The following LINGO2 variants were observed in gnomAD, a reference collection of about 807,000 sequenced individuals.
The protein encoded by LINGO2 is leucine rich repeat and Ig domain containing 2, also known as leucine-rich repeat and immunoglobulin-like domain-containing nogo receptor-interacting protein 2.
LINGO2 carries 14 observed loss-of-function variants against 30.6 expected under a neutral mutation model. The observed-to-expected ratio is 0.46, with a 90% CI of 0.30 to 0.72. The LOEUF is 0.72. LINGO2 is among the 30% of genes least tolerant of loss of function. LINGO2 has a pLI of 0.07. For missense variants in LINGO2, 729 were observed against 751.7 expected (o/e 0.97, Z 0.35); for synonymous variants, 317 against 288.5 (o/e 1.10, Z -1.00).
intron 4 of LINGO2, among the ~76,000 whole-genome samples, chr9:28,283,527 T>G (rs566194342): frequency 6.6e-6 from 1 of 152,134 alleles, no homozygotes; most frequent in Non-Finnish European, 1.5e-5. Flanking sequence ...ATAGCACACA[T>G]GTATAATGGC....
At chr9:29,207,527 C>T in the LINGO2 span, among the ~76,000 whole-genome samples, 3 of 152,040 alleles carry the variant, frequency 2.0e-5, no homozygotes, top group African/African-American at 7.2e-5. Flanking sequence ...TATATTTTTG[C>T]ACATATTTCT....
the LINGO2 span, among the ~76,000 whole-genome samples, chr9:29,188,301 C>T: frequency 6.6e-6 from 1 of 151,676 alleles, no homozygotes; most frequent in South Asian, 2.1e-4. Context: ...CCTGAGTGGA[C>T]ACAGCACATG....
At chr9:28,639,984 C>T (rs932522390) in intron 1 of LINGO2, among the ~76,000 whole-genome samples, 48 of 152,074 alleles carry the variant, frequency 3.2e-4, no homozygotes, top group Non-Finnish European at 6.3e-4. Context: ...ATGTTTAGTG[C>T]TTCCTTCAGG....
chr9:28,497,224 A>C (rs2135296259), intron 1 of LINGO2, among the ~76,000 whole-genome samples: 1 of 152,286 alleles, frequency 6.6e-6, no homozygotes, highest in South Asian at 2.1e-4. Context: ...AGGTTGGGGA[A>C]GTTCTCCTGG....
intron 1 of LINGO2, among the ~76,000 whole-genome samples, chr9:28,583,040 A>T (rs1824340387): frequency 6.6e-6 from 1 of 151,978 alleles, no homozygotes; most frequent in Non-Finnish European, 1.5e-5. Flanking sequence ...ATGAGGGAAA[A>T]ATGCTTTTGA....
chr9:28,693,220 T>C, the LINGO2 span, among the ~76,000 whole-genome samples: 1 of 152,118 alleles, frequency 6.6e-6, no homozygotes, highest in South Asian at 2.1e-4. Flanking sequence ...TGCACTTCCA[T>C]TTTTAAACAT....
chr9:28,288,606 G>T (rs1823605319), intron 4 of LINGO2, among the ~76,000 whole-genome samples: 1 of 152,080 alleles, frequency 6.6e-6, no homozygotes, highest in South Asian at 2.1e-4. Context: ...GGGCGGGGAG[G>T]CTGCTAATTT....
At chr9:27,972,557 A>G (rs1820407181) in intron 5 of LINGO2, among the ~76,000 whole-genome samples, 1 of 152,168 alleles carries the variant, frequency 6.6e-6, no homozygotes, top group Non-Finnish European at 1.5e-5. Flanking sequence ...AGTGATGGAC[A>G]CCCTGTGATC....
At chr9:29,176,598 T>C in the LINGO2 span, among the ~76,000 whole-genome samples, 4 of 152,220 alleles carry the variant, frequency 2.6e-5, no homozygotes, top group African/African-American at 9.6e-5. Flanking sequence ...CTTATAGTTG[T>C]GCTCACAGGA....
the LINGO2 span, among the ~76,000 whole-genome samples, chr9:28,930,986 G>A: frequency 2.6e-5 from 4 of 152,116 alleles, no homozygotes; most frequent in Non-Finnish European, 4.4e-5. This position sits in a 1 kb window ranked among gnomAD's most constrained non-coding sequence, Gnocchi z 4.2. Flanking sequence ...TTTTCCACAT[G>A]AGCCATTCCT....
the LINGO2 span, among the ~76,000 whole-genome samples, chr9:29,069,799 CAA>C: frequency 6.6e-6 from 1 of 151,932 alleles, no homozygotes; most frequent in Non-Finnish European, 1.5e-5. Context: ...AGATTCTCTC[CAA>C]AGTTATTTTC....
the LINGO2 span, among the ~76,000 whole-genome samples, chr9:29,066,508 T>C: frequency 0.07 from 10,621 of 152,004 alleles, 416 homozygotes; most frequent in Non-Finnish European, 0.092. Flanking sequence ...TTTGCGATCA[T>C]AGTGGCACCC....
intron 5 of LINGO2, among the ~76,000 whole-genome samples, chr9:27,979,723 T>C (rs1820765892): frequency 6.6e-6 from 1 of 151,930 alleles, no homozygotes; most frequent in East Asian, 1.9e-4. Context: ...GGAAGAGCAT[T>C]CCACTGGGAT....
chr9:28,326,905 T>G (rs1329766674), intron 3 of LINGO2, among the ~76,000 whole-genome samples: 1 of 152,134 alleles, frequency 6.6e-6, no homozygotes, highest in Non-Finnish European at 1.5e-5. Context: ...ACTAGGGGAA[T>G]GGCTAAGGGC....
chr9:28,869,573 A>G, the LINGO2 span, among the ~76,000 whole-genome samples: 1 of 152,014 alleles, frequency 6.6e-6, no homozygotes, highest in Non-Finnish European at 1.5e-5. Context: ...AGCAGGAAGA[A>G]AAAAGATGAA....
At chr9:28,404,001 AT>A (rs995267546) in intron 2 of LINGO2, among the ~76,000 whole-genome samples, 9 of 151,830 alleles carry the variant, frequency 5.9e-5, no homozygotes, top group Admixed American at 1.3e-4. Context: ...GTCTTTACCT[AT>A]TTTTTTATAC....
intron 1 of LINGO2, among the ~76,000 whole-genome samples, chr9:28,536,920 T>C (rs1194303317): frequency 6.6e-6 from 1 of 152,052 alleles, no homozygotes; most frequent in Non-Finnish European, 1.5e-5. Context: ...CACCACATTA[T>C]ACGAGCTTAT....
At chr9:29,015,514 A>G in the LINGO2 span, among the ~76,000 whole-genome samples, 1 of 152,228 alleles carries the variant, frequency 6.6e-6, no homozygotes, top group South Asian at 2.1e-4. Flanking sequence ...ACAATATATA[A>G]AAATGAATGC....
At chr9:28,858,989 G>T in the LINGO2 span, among the ~76,000 whole-genome samples, 1 of 151,952 alleles carries the variant, frequency 6.6e-6, no homozygotes, top group Non-Finnish European at 1.5e-5. Flanking sequence ...ATAATATACA[G>T]CAGAGATTTA....
Sources: gnomAD v4.1 joint callset for allele counts (sites outside exome capture counted in the v4.1 genomes callset) on GRCh38, gnomAD v4.1.1 for gene constraint, Gnocchi (gnomAD v3.1) non-coding constraint, MANE v1.5 for transcripts, NCBI Gene and HGNC (gene_info 2026-07-23, HGNC 2026-07-21) for gene names.